Variants in KHDRBS2 observed in about 807,000 individuals in gnomAD.
KHDRBS2 encodes the protein KH RNA binding domain containing, signal transduction associated 2.
In KHDRBS2, 26 loss-of-function variants were observed where a neutral mutation model predicts 44.3. That is an observed-to-expected ratio of 0.59 (90% CI 0.43 to 0.81). The LOEUF (loss-of-function observed/expected upper bound fraction) is 0.81. Among genes scored for constraint, KHDRBS2 ranks in the 40% least tolerant of loss-of-function variants. KHDRBS2 has a pLI of 0.00. For synonymous variants in KHDRBS2, 194 were observed against 151.1 expected, an observed-to-expected ratio of 1.28 and a Z score of -2.08; for missense variants, 476 against 433.1, an observed-to-expected ratio of 1.10 and a Z score of -0.88.
intron 2 of KHDRBS2, among the ~76,000 whole-genome samples, chr6:62,092,529 G>A (rs540858625): frequency 2.6e-4 from 39 of 152,138 alleles, no homozygotes; most frequent in Middle Eastern, 3.4e-3. Context: ...TTGCCCCTCT[G>A]GTTTCTGCCC....
intron 6 of KHDRBS2, among the ~76,000 whole-genome samples, chr6:61,751,943 C>CTG (rs70993181): frequency 0.36 from 53,745 of 150,890 alleles, 10,256 homozygotes; most frequent in East Asian, 0.46. Flanking sequence ...ACACACTTCT[C>CTG]TGTGTGTGTG....
intron 6 of KHDRBS2, among the ~76,000 whole-genome samples, chr6:61,772,307 A>G (rs1329437493): frequency 6.6e-6 from 1 of 152,212 alleles, no homozygotes; most frequent in Admixed American, 6.5e-5. Flanking sequence ...GAAGGCAAGA[A>G]ATAACTAAGA....
At chr6:61,796,795 C>T (rs888460440) in intron 6 of KHDRBS2, among the ~76,000 whole-genome samples, 2 of 151,902 alleles carry the variant, frequency 1.3e-5, no homozygotes, top group Non-Finnish European at 2.9e-5. Flanking sequence ...GCAATTTTAC[C>T]CCACATGTTG....
chr6:61,722,208 A>C (rs987058432), intron 7 of KHDRBS2, among the ~76,000 whole-genome samples: 1 of 152,092 alleles, frequency 6.6e-6, no homozygotes, highest in Non-Finnish European at 1.5e-5. Flanking sequence ...TTTTTGCATC[A>C]ATGTTCATCA....
At chr6:61,624,503 C>T in the KHDRBS2 span, among the ~76,000 whole-genome samples, 1 of 152,142 alleles carries the variant, frequency 6.6e-6, no homozygotes, top group Non-Finnish European at 1.5e-5. Context: ...GTTTTCTTTC[C>T]ACAGACTTAA....
intron 2 of KHDRBS2, among the ~76,000 whole-genome samples, chr6:62,108,936 G>A (rs1562883084): frequency 1.3e-5 from 2 of 152,010 alleles, no homozygotes; most frequent in Non-Finnish European, 2.9e-5. Context: ...TCACACTTTG[G>A]GGACTGTTGT....
the KHDRBS2 span, among the ~76,000 whole-genome samples, chr6:61,637,508 C>A: frequency 6.6e-5 from 10 of 152,204 alleles, no homozygotes; most frequent in East Asian, 1.9e-3. Flanking sequence ...GTGCGTGTGT[C>A]TTTATAGCAG....
At chr6:61,788,509 T>C (rs1161887802) in intron 6 of KHDRBS2, among the ~76,000 whole-genome samples, 1 of 151,518 alleles carries the variant, frequency 6.6e-6, no homozygotes, top group Non-Finnish European at 1.5e-5. Context: ...GTGAGATATT[T>C]ATGTAGTATC....
intron 6 of KHDRBS2, among the ~76,000 whole-genome samples, chr6:61,753,268 G>A (rs1448179212): frequency 1.3e-5 from 2 of 151,952 alleles, no homozygotes; most frequent in East Asian, 3.9e-4. Context: ...TAGCTGCTTT[G>A]CAGTCACATT....
chr6:61,880,966 A>C (rs1200953212), intron 6 of KHDRBS2, among the ~76,000 whole-genome samples: 1 of 151,916 alleles, frequency 6.6e-6, no homozygotes, highest in East Asian at 1.9e-4. Flanking sequence ...TCATTAACTA[A>C]AAAATAAAAG....
chr6:62,151,043 C>G (rs1315599393), intron 2 of KHDRBS2, among the ~76,000 whole-genome samples: 1 of 152,170 alleles, frequency 6.6e-6, no homozygotes, highest in Non-Finnish European at 1.5e-5. Context: ...ATACTTCTAT[C>G]TGCACCTTTT....
chr6:61,568,530 TCAC>T, the KHDRBS2 span, among the ~76,000 whole-genome samples: 2 of 152,166 alleles, frequency 1.3e-5, no homozygotes, highest in South Asian at 2.1e-4. Flanking sequence ...CAGAAAAAAA[TCAC>T]AGATCCTTTG....
intron 1 of KHDRBS2, among the ~76,000 whole-genome samples, chr6:62,261,120 A>G (rs775240851): frequency 6.6e-6 from 1 of 151,942 alleles, no homozygotes; most frequent in African/African-American, 2.4e-5. Flanking sequence ...TGAATGTGCT[A>G]AAGTTGCTTA....
chr6:61,738,361 T>C (rs1334907300), intron 6 of KHDRBS2, among the ~76,000 whole-genome samples: 2 of 152,006 alleles, frequency 1.3e-5, no homozygotes, highest in Non-Finnish European at 2.9e-5. Flanking sequence ...CCCTGGAACA[T>C]GGTCATGAAA....
At chr6:62,155,417 G>T (rs1816137757) in intron 2 of KHDRBS2, among the ~76,000 whole-genome samples, 1 of 152,158 alleles carries the variant, frequency 6.6e-6, no homozygotes, top group South Asian at 2.1e-4. Flanking sequence ...TCAAGAAAAA[G>T]TATCTGCTTT....
At chr6:62,101,757 T>C (rs1470769389) in intron 2 of KHDRBS2, among the ~76,000 whole-genome samples, 1 of 152,192 alleles carries the variant, frequency 6.6e-6, no homozygotes, top group African/African-American at 2.4e-5. Context: ...GAGATAGATA[T>C]AGGAATGTTA....
intron 6 of KHDRBS2, among the ~76,000 whole-genome samples, chr6:61,788,858 C>T (rs1784214391): frequency 1.3e-5 from 2 of 150,728 alleles, no homozygotes; most frequent in African/African-American, 2.4e-5. Flanking sequence ...AAAATCTATA[C>T]AAAATTTTCC....
chr6:61,636,931 C>G, the KHDRBS2 span, among the ~76,000 whole-genome samples: 1 of 152,064 alleles, frequency 6.6e-6, no homozygotes, highest in Non-Finnish European at 1.5e-5. Context: ...ATTAAAAAAC[C>G]TATGTGACAT....
intron 2 of KHDRBS2, among the ~76,000 whole-genome samples, chr6:62,086,312 C>T (rs563280231): frequency 2.0e-5 from 3 of 152,032 alleles, no homozygotes; most frequent in Non-Finnish European, 4.4e-5. Context: ...GTCTGAATAG[C>T]AAATGACTCA....
Sources: gnomAD v4.1 joint callset for allele counts (sites outside exome capture counted in the v4.1 genomes callset) on GRCh38, gnomAD v4.1.1 for gene constraint, MANE v1.5 for transcripts, NCBI Gene and HGNC (gene_info 2026-07-23, HGNC 2026-07-21) for gene names.